EXOSC2: variants seen among roughly 807,000 people sequenced by gnomAD.
EXOSC2 encodes the protein exosome component 2.
Under a neutral mutation model 37.6 loss-of-function variants are expected in EXOSC2, and 29 were observed. That is an observed-to-expected ratio of 0.77 (90% CI 0.57 to 1.05). The LOEUF (loss-of-function observed/expected upper bound fraction) is 1.05. Ranked by LOEUF, EXOSC2 falls within the 50% of genes least tolerant of loss-of-function variation. The probability of loss-of-function intolerance (pLI) is 0.00; values close to 1 mark genes in which losing one functional copy is unlikely to be tolerated. For synonymous variants in EXOSC2, 119 were observed against 131.1 expected, an observed-to-expected ratio of 0.91 and a Z score of 0.63; for missense variants, 346 against 365.6, an observed-to-expected ratio of 0.95 and a Z score of 0.44.
Position 130,703,099 on chromosome 9 carries a change from G to A in EXOSC2, c.719G>A (p.Cys240Tyr). Reference protein sequence around the residue: ...DREVISRLRNCIISLVTQRMM... With the variant: ...DREVISRLRNYIISLVTQRMM... ...GAGGTGATATCCCGGCTTCGGAACT[G>A]CATCATCTCGCTGGTAACTCAGAGG... The change falls in exon 8 of 9, where the codon TGC becomes TAC. Residue 240 changes from cysteine to tyrosine, a missense_variant. Transcript: ENST00000372358. 1.2e-6 allele frequency: 2 copies of A among 1,613,828 alleles called. No individual in the cohort carries two copies. The highest frequency in any genetic ancestry group is 1.7e-6 in the Non-Finnish European group (2 of 1,179,906).
Position 130,700,902 on chromosome 9 carries a change from C to T in EXOSC2, c.462C>T (p.Val154=). ...AGGCAGTGTTCTCTGACGGAGCTGT[C>T]TCTTTGCACACGAGGAGCCTGAAAT... ...EVQAVFSDGA[V]SLHTRSLKYG... Residue 154 remains valine, a synonymous_variant, in exon 6 of 9, where the codon GTC becomes GTT. Transcript: ENST00000372358. The T allele has an allele frequency of 6.2e-7, 1 of 1,614,068 alleles. No individual in the cohort carries two copies. Among genetic ancestry groups the T allele is most frequent in the Non-Finnish European group, 8.5e-7 (1 of 1,180,008 alleles).
At chr9:130,695,687 C>A in intron 2 of EXOSC2, 94 bp downstream of exon 2, 2 of 1,022,858 alleles carry the variant, frequency 2.0e-6, no homozygotes, top group Non-Finnish European at 1.5e-6. Context: ...CCCACCCCTG[C>A]CTGCCCTGTC....
intron 2 of EXOSC2, 24 bp from the exon 3 acceptor site, chr9:130,697,558 A>C: frequency 6.2e-7 from 1 of 1,613,302 alleles, no homozygotes; most frequent in Non-Finnish European, 8.5e-7. Context: ...CAGATGGATG[A>C]ACCCCTTGTG....
At chr9:130,695,654 C>T (rs1050898076) in intron 2 of EXOSC2, 61 bp downstream of exon 2, 4 of 1,442,160 alleles carry the variant, frequency 2.8e-6, no homozygotes, top group South Asian at 2.3e-5. Flanking sequence ...CCAGGCTTTT[C>T]CTGCCCCCTC....
chr9:130,699,255 GGAAGT>G, intron 4 of EXOSC2, 69 bp from the exon 5 acceptor site: 1 of 1,466,976 alleles, frequency 6.8e-7, no homozygotes, highest in Non-Finnish European at 9.6e-7. Context: ...CATCTCAAAA[GGAAGT>G]GAAAGAGAAG....
intron 1 of EXOSC2, 83 bp downstream of exon 1, chr9:130,693,996 G>A: frequency 6.8e-7 from 1 of 1,471,870 alleles, no homozygotes; most frequent in African/African-American, 1.4e-5. Flanking sequence ...GTATCCCTGT[G>A]TGTGTAACTC....
chr9:130,697,150 G>T (rs1831114264), intron 2 of EXOSC2, among the ~76,000 whole-genome samples: 1 of 152,154 alleles, frequency 6.6e-6, no homozygotes, highest in Admixed American at 6.5e-5. Context: ...CGCGGGTAAG[G>T]AACTAGCAAA....
chr9:130,703,368 G>A (rs1831261099), intron 8 of EXOSC2, among the ~76,000 whole-genome samples, 187 bp downstream of exon 8: 2 of 152,218 alleles, frequency 1.3e-5, no homozygotes, highest in Admixed American at 1.3e-4. Context: ...AATGCCTAGT[G>A]TCAGTCTAAG....
At chr9:130,697,250 C>T (rs1192495792) in intron 2 of EXOSC2, among the ~76,000 whole-genome samples, 1 of 152,156 alleles carries the variant, frequency 6.6e-6, no homozygotes, top group Non-Finnish European at 1.5e-5. Context: ...CCTTTCTCTT[C>T]CTTTGGCTGG....
chr9:130,695,632 C>A, intron 2 of EXOSC2, 39 bp downstream of exon 2: 2 of 1,582,528 alleles, frequency 1.3e-6, no homozygotes, highest in Non-Finnish European at 1.7e-6. Context: ...CTTGCAGCAT[C>A]AGGTTGTACA....
intron 5 of EXOSC2, 87 bp downstream of exon 5, chr9:130,699,481 AC>A: frequency 7.7e-7 from 1 of 1,298,982 alleles, no homozygotes; most frequent in Non-Finnish European, 1.1e-6. Context: ...TGACGGAAGA[AC>A]CATGTCATCC....
intron 6 of EXOSC2, 136 bp from the exon 7 acceptor site, chr9:130,701,998 G>T: frequency 6.9e-7 from 1 of 1,455,712 alleles, no homozygotes; most frequent in Non-Finnish European, 9.0e-7. Context: ...TGTACTATGT[G>T]TATGCATGTA....
At position 130,694,168 on chromosome 9, in the gene EXOSC2, G is replaced by A. The variant is rs1831041796; in HGVS notation, c.122+255G>A. On this transcript the variant is annotated intron_variant, in intron 1 of 8. Transcript: ENST00000372358. The surrounding 1 kb of genome is among the most constrained non-coding windows in gnomAD (Gnocchi z 4.0). ...GGTGGCTGTGACTTTTGGGTCTTCT[G>A]CCTGAAGTCCAAATCTTTGATCCTT... Among the ~76,000 whole-genome samples the A allele has an allele frequency of 6.6e-6, 1 of 152,054 alleles. No homozygotes were observed. The highest frequency in any genetic ancestry group is 6.6e-5 in the Admixed American group (1 of 15,250).
rs1831229114 is a variant in EXOSC2 at position 130,702,118 on chromosome 9, T to C, written c.496-16T>C. 1.2e-6 allele frequency: 2 copies of C among 1,612,182 alleles called. No individual in the cohort carries two copies. The highest frequency in any genetic ancestry group is 1.7e-6 in the Non-Finnish European group (2 of 1,179,116). ...CCAATCTTGCAGTGACCTAGCTTCG[T>C]GATATATTTCTTTAGCTAGGTCAGG... is the stretch of plus-strand genomic sequence containing the variant. On this transcript the variant is annotated splice_polypyrimidine_tract_variant and intron_variant, in intron 6 of 8. Coordinates refer to ENST00000372358, the MANE Select transcript of EXOSC2 (RefSeq NM_014285.7).
chr9:130,696,990 T>G (rs182874404), intron 2 of EXOSC2, among the ~76,000 whole-genome samples: 2 of 152,098 alleles, frequency 1.3e-5, no homozygotes, highest in Admixed American at 1.3e-4. Flanking sequence ...GATGGCAGAG[T>G]TGGGTAGCTA....
At chr9:130,696,898 G>A (rs1215863966) in intron 2 of EXOSC2, among the ~76,000 whole-genome samples, 3 of 152,148 alleles carry the variant, frequency 2.0e-5, no homozygotes, top group Admixed American at 1.3e-4. Context: ...CCCTATCTCG[G>A]TTTGCTATGG....
rs1831133781 is a variant in EXOSC2, at chr9:130,698,022, G to A, written c.271-140G>A. 1 of 711,154 alleles carries A rather than the reference G, an allele frequency of 1.4e-6. No individual in the cohort carries two copies. Among genetic ancestry groups the A allele is most frequent in the Admixed American group, 2.2e-5 (1 of 45,044 alleles). The allele number at this position is 711,154 out of a possible 1,614,324, so 44.1% of individuals were successfully genotyped here. ...TTGGTCAGGCTGGTCTCAAACTCCT[G>A]ACCTCAAGTGATCCACCAGCTTCGG... On this transcript the variant is annotated intron_variant, in intron 3 of 8. Transcript: ENST00000372358. The surrounding 1 kb of genome is among the most constrained non-coding windows in gnomAD (Gnocchi z 4.1).
chr9:130,702,431 A>G, intron 7 of EXOSC2, 121 bp downstream of exon 7: 1 of 731,732 alleles, frequency 1.4e-6, no homozygotes, highest in Non-Finnish European at 2.3e-6. Context: ...AGTCACTTTG[A>G]CTTTCCATCA....
chr9:130,697,705 G>C, intron 3 of EXOSC2, 78 bp downstream of exon 3: 2 of 1,356,986 alleles, frequency 1.5e-6, no homozygotes, highest in Non-Finnish European at 2.1e-6. Flanking sequence ...CATTCCACTT[G>C]TAGTTACATG....
Sources: gnomAD v4.1 joint callset for allele counts (sites outside exome capture counted in the v4.1 genomes callset) on GRCh38, gnomAD v4.1.1 for gene constraint, Gnocchi (gnomAD v3.1) non-coding constraint, MANE v1.5 for transcripts, NCBI Gene and HGNC (gene_info 2026-07-23, HGNC 2026-07-21) for gene names.